Variants in TAFA2 observed in about 807,000 individuals in gnomAD.
TAFA2 encodes the protein TAFA chemokine like family member 2, also known as chemokine-like protein TAFA-2.
TAFA2 carries 7 observed loss-of-function variants against 18.8 expected under a neutral mutation model. That is an observed-to-expected ratio of 0.37 (90% CI 0.21 to 0.70). The LOEUF (loss-of-function observed/expected upper bound fraction) is 0.70. Among genes scored for constraint, TAFA2 ranks in the 30% least tolerant of loss-of-function variants. The probability of loss-of-function intolerance (pLI) is 0.53; values close to 1 mark genes in which losing one functional copy is unlikely to be tolerated. For missense variants in TAFA2, 122 were observed against 158.1 expected (o/e 0.77, Z 1.23); for synonymous variants, 60 against 54.2 (o/e 1.11, Z -0.47).
intron 2 of TAFA2, among the ~76,000 whole-genome samples, chr12:61,800,041 T>A (rs1168925790): frequency 6.6e-6 from 1 of 152,156 alleles, no homozygotes. Flanking sequence ...GGTAAATGAA[T>A]AACGGACATT....
rs369206638 is a variant in TAFA2 at position 62,024,874 on chromosome 12, A to T, written c.-1-157448T>A. On this transcript the variant is annotated intron_variant, in intron 1 of 4. Coordinates refer to ENST00000416284, the MANE Select transcript of TAFA2 (RefSeq NM_178539.5). ...ATATGAAAAATGCTCAACACCACTA[A>T]TCATCAGAGAAATGTAAATCAAAAC... Among the ~76,000 whole-genome samples, 15 of 152,184 alleles carry T rather than the reference A, an allele frequency of 9.9e-5. 1 individual carries two copies. In the East Asian group the frequency reaches 2.9e-3, roughly 29 times the overall value.
intron 1 of TAFA2, among the ~76,000 whole-genome samples, chr12:62,126,190 G>A (rs1275357263): frequency 2.6e-5 from 4 of 152,030 alleles, no homozygotes; most frequent in African/African-American, 7.2e-5. Flanking sequence ...TCTACTCGCT[G>A]ACAAGCATTA....
At chr12:62,122,371 T>C (rs779763442) in intron 1 of TAFA2, among the ~76,000 whole-genome samples, 2 of 152,184 alleles carry the variant, frequency 1.3e-5, no homozygotes, top group African/African-American at 2.4e-5. Context: ...TAATGGAATA[T>C]TTCTACACTT....
At chr12:61,835,083 T>C (rs1232679266) in intron 2 of TAFA2, among the ~76,000 whole-genome samples, 1 of 140,742 alleles carries the variant, frequency 7.1e-6, no homozygotes, top group African/African-American at 2.5e-5. Context: ...TTTCCACTCA[T>C]TGCCTGAGGG....
rs569146410 is a variant in TAFA2, at chr12:61,864,881, AT to A, written c.106+2438del. The stretch of plus-strand genomic sequence containing the variant: ...TGAGTTTCTAATATTCATCTGTATT[AT>A]TTTTATCTTGAATGCTCACCAAGGT... On this transcript the variant is annotated intron_variant, in intron 2 of 4. Transcript: ENST00000416284. Among the ~76,000 whole-genome samples the A allele has an allele frequency of 1.2e-3, 178 of 151,216 alleles. 1 individual carries two copies. Among genetic ancestry groups the A allele is most frequent in the African/African-American group, 3.7e-3 (154 of 41,156 alleles).
intron 1 of TAFA2, among the ~76,000 whole-genome samples, chr12:61,950,200 GT>G (rs1273110764): frequency 6.6e-6 from 1 of 152,028 alleles, no homozygotes; most frequent in Non-Finnish European, 1.5e-5. Context: ...TGTCTTGGCT[GT>G]TTTATGTAGT....
At chr12:62,084,179 C>T (rs1868370243) in intron 1 of TAFA2, among the ~76,000 whole-genome samples, 2 of 152,172 alleles carry the variant, frequency 1.3e-5, no homozygotes, top group South Asian at 4.1e-4. Context: ...CACTATTTTA[C>T]ATTCCTTTTC....
At chr12:62,019,081 T>C (rs1392462883) in intron 1 of TAFA2, among the ~76,000 whole-genome samples, 2 of 152,136 alleles carry the variant, frequency 1.3e-5, no homozygotes, top group Admixed American at 6.5e-5. Context: ...AAATTGCTCA[T>C]CATCACTGGC....
At chr12:62,235,267 C>T (rs2062831715) in intron 1 of TAFA2, 1 of 660,292 alleles carries the variant, frequency 1.5e-6, no homozygotes, top group African/African-American at 1.8e-5. Flanking sequence ...GGCCCCCCTT[C>T]ATCCACAATC....
intron 1 of TAFA2, chr12:62,021,707 C>G: frequency 2.6e-6 from 4 of 1,511,704 alleles, no homozygotes; most frequent in Non-Finnish European, 2.8e-6. Context: ...TAGGGCCAGT[C>G]TTACCAGTTG....
At chr12:61,940,496 G>GA (rs1468968776) in intron 1 of TAFA2, among the ~76,000 whole-genome samples, 2 of 152,162 alleles carry the variant, frequency 1.3e-5, no homozygotes, top group Non-Finnish European at 2.9e-5. Context: ...TGCCTAGAGG[G>GA]AGAGGCCTTA....
chr12:62,187,706 CCTT>C (rs1432524371), intron 1 of TAFA2, among the ~76,000 whole-genome samples: 1 of 152,050 alleles, frequency 6.6e-6, no homozygotes, highest in Non-Finnish European at 1.5e-5. Flanking sequence ...CAAAATCAGA[CCTT>C]CTAAAAATTA....
rs200575551 is a variant in TAFA2, at chr12:61,723,843, AT to A, written c.385-13427del. On this transcript the variant is annotated intron_variant, in intron 4 of 4. Coordinates refer to ENST00000416284, the MANE Select transcript of TAFA2 (RefSeq NM_178539.5). Reference sequence around the variant, plus strand: ...CAGTTAGAAGCTATCCCTTAAAAAAATACACCTATCTCCTGAGTAATTTCCA... The same window carrying A: ...CAGTTAGAAGCTATCCCTTAAAAAAAACACCTATCTCCTGAGTAATTTCCA... Among the ~76,000 whole-genome samples, 1,247 of 152,218 alleles carry A rather than the reference AT, an allele frequency of 8.2e-3. 10 individuals carry two copies. The highest frequency in any genetic ancestry group is 0.026 in the African/African-American group (1,091 of 41,564).
intron 4 of TAFA2, among the ~76,000 whole-genome samples, chr12:61,725,157 G>C (rs887098840): frequency 1.3e-5 from 2 of 151,794 alleles, no homozygotes; most frequent in African/African-American, 2.4e-5. Context: ...TTGATGATTT[G>C]AGTTCCTTTG....
chr12:62,214,315 C>T (rs902972), intron 1 of TAFA2, among the ~76,000 whole-genome samples: 5,222 of 152,208 alleles, frequency 0.034, 134 homozygotes, highest in Middle Eastern at 0.082. Context: ...ATAAGTCTCA[C>T]GAGATCTGAT....
At chr12:61,785,502 G>C (rs1394805702) in intron 2 of TAFA2, among the ~76,000 whole-genome samples, 1 of 151,450 alleles carries the variant, frequency 6.6e-6, no homozygotes, top group Non-Finnish European at 1.5e-5. Flanking sequence ...CATTGTACTA[G>C]AGGGTAGTTT....
At chr12:62,246,010 G>A (rs1176269530) in intron 1 of TAFA2, among the ~76,000 whole-genome samples, 3 of 144,040 alleles carry the variant, frequency 2.1e-5, no homozygotes, top group Admixed American at 7.0e-5. Flanking sequence ...TTTTTGAGAC[G>A]GAGTCTCACT....
At chr12:61,847,449 T>G in intron 2 of TAFA2, among the ~76,000 whole-genome samples, 1 of 152,172 alleles carries the variant, frequency 6.6e-6, no homozygotes, top group East Asian at 1.9e-4. Context: ...AAGAAACCCA[T>G]AAGAATTTTA....
At chr12:61,976,577 T>C (rs563477949) in intron 1 of TAFA2, among the ~76,000 whole-genome samples, 1 of 152,142 alleles carries the variant, frequency 6.6e-6, no homozygotes, top group African/African-American at 2.4e-5. Flanking sequence ...CTAGGGTACA[T>C]GTGCACAACC....
Sources: allele counts gnomAD v4.1 joint callset (sites outside exome capture counted in the v4.1 genomes callset), GRCh38; gene constraint gnomAD v4.1.1; transcripts MANE v1.5; gene names NCBI Gene and HGNC (gene_info 2026-07-23, HGNC 2026-07-21).